The following IARS2 variants were observed in gnomAD, a reference collection of about 807,000 sequenced individuals.
The protein encoded by IARS2 is isoleucine--tRNA ligase, mitochondrial.
IARS2 carries 56 observed loss-of-function variants against 126.3 expected under a neutral mutation model. That is an observed-to-expected ratio of 0.44 (90% CI 0.36 to 0.55). IARS2 has a LOEUF of 0.55. IARS2 is among the 20% of genes least tolerant of loss of function. The probability of loss-of-function intolerance (pLI) is 0.00; values close to 1 mark genes in which losing one functional copy is unlikely to be tolerated. For synonymous variants in IARS2, 407 were observed against 441.1 expected (o/e 0.92, Z 0.97); for missense variants, 1,127 against 1,245.9 (o/e 0.90, Z 1.44).
chr1:220,110,633 G>A (rs1656780819), intron 10 of IARS2, among the ~76,000 whole-genome samples, 153 bp from the exon 11 acceptor site: 1 of 152,160 alleles, frequency 6.6e-6, no homozygotes, highest in African/African-American at 2.4e-5. Flanking sequence ...CAAAGTGCTG[G>A]GATTACAGGT....
chr1:220,102,107 CTT>C lies in IARS2; in HGVS notation c.551-16_551-15del. ...TTCGAATTCATTGGTTTTTTAAAAT[CTT>C]TTTTTCGTCTTTTTTTTAGCTAGAT... On this transcript the variant is annotated intron_variant, in intron 3 of 22. Transcript: ENST00000366922. 1 of 1,587,786 alleles carries C rather than the reference CTT, an allele frequency of 6.3e-7. No homozygotes were observed. The highest frequency in any genetic ancestry group is 1.4e-5 in the African/African-American group (1 of 73,198).
At chr1:220,103,394 C>A (rs1656618602) in intron 7 of IARS2, 53 bp from the exon 8 acceptor site, 6 of 1,045,784 alleles carry the variant, frequency 5.7e-6, no homozygotes, top group Admixed American at 3.8e-5. Context: ...AAAATGATAT[C>A]TGTGGCTTTT....
At chr1:220,142,560 G>A (rs1045712809) in intron 20 of IARS2, among the ~76,000 whole-genome samples, 2 of 152,098 alleles carry the variant, frequency 1.3e-5, no homozygotes, top group African/African-American at 4.8e-5. Flanking sequence ...CTTTTAGTGA[G>A]TTTTATGTTA....
intron 12 of IARS2, among the ~76,000 whole-genome samples, chr1:220,121,580 G>C (rs1417846444): frequency 6.6e-6 from 1 of 151,994 alleles, no homozygotes; most frequent in Non-Finnish European, 1.5e-5. Flanking sequence ...TGAATTTTCT[G>C]ATATTTAGGA....
chr1:220,106,189 G>T lies in IARS2; in HGVS notation c.1236+129G>T. On this transcript the variant is annotated intron_variant, in intron 9 of 22. Transcript: ENST00000366922. ...ATAATTGTGAAATGCTCAGGTTTGT[G>T]TAGTACTCTAAAGTTTCATTAATTC... The T allele has an allele frequency of 4.3e-6, 3 of 699,754 alleles. No homozygotes were observed. In the South Asian group the frequency reaches 7.9e-5, roughly 18 times the overall value. The allele number at this position is 699,754 out of a possible 1,614,324, so 43.3% of individuals were successfully genotyped here. A position where few individuals can be genotyped will look rare whatever the true frequency, so the allele number is the denominator to read the frequency against.
At chr1:220,116,984 G>C (rs1166449969) in intron 12 of IARS2, among the ~76,000 whole-genome samples, 4 of 151,778 alleles carry the variant, frequency 2.6e-5, no homozygotes, top group Admixed American at 2.6e-4. Flanking sequence ...GGCCACAAAG[G>C]ATCCATCCAC....
At chr1:220,145,394 A>G in intron 21 of IARS2, 115 bp from the exon 22 acceptor site, 7 of 838,174 alleles carry the variant, frequency 8.4e-6, no homozygotes, top group South Asian at 6.5e-5. Context: ...TCAGGATGCA[A>G]TGGTATACCA....
chr1:220,140,207 G>T lies in IARS2; in HGVS notation c.2332G>T (p.Asp778Tyr). The change falls in exon 19 of 23, where the codon GAT becomes TAT. Residue 778 changes from aspartate (D) to tyrosine (Y), a missense_variant. Transcript: ENST00000366922. ...NKITELYKQY[D>Y]FGKVVRLLRT... ...GATTACCGAATTATACAAACAATAT[G>T]ATTTTGGAAAAGTTGTTCGGCTGTT... 6.2e-7 allele frequency: 1 copy of T among 1,611,856 alleles called. No homozygotes were observed. The highest frequency in any genetic ancestry group is 1.3e-5 in the African/African-American group (1 of 74,994).
rs1656547058 is a variant in IARS2 at position 220,100,420 on chromosome 1, C to G, written c.391-70C>G. ...GTATGAATGCTAATTATCATTTTATCTTTGCAGATTTTGAAATACATGGCC... is the reference window on the plus strand; with the variant it reads ...GTATGAATGCTAATTATCATTTTATGTTTGCAGATTTTGAAATACATGGCC... On this transcript the variant is annotated intron_variant, in intron 2 of 22. Coordinates refer to ENST00000366922, the MANE Select transcript of IARS2 (RefSeq NM_018060.4). The G allele has an allele frequency of 8.8e-6, 11 of 1,244,798 alleles. No individual in the cohort carries two copies. The South Asian group carries it at 1.8e-4, about 21-fold the overall frequency. 77.1% of individuals were successfully genotyped at this position (1,244,798 alleles called of 1,614,324 possible). A position where few individuals can be genotyped will look rare whatever the true frequency, so the allele number is the denominator to read the frequency against.
rs532801954 is a variant in IARS2, at chr1:220,112,351, G to A, written c.1479+1414G>A. Among the ~76,000 whole-genome samples, 6 of 64,544 alleles carry A rather than the reference G, an allele frequency of 9.3e-5. 1 individual carries two copies. The East Asian group carries it at 2.7e-3, about 29-fold the overall frequency. The allele number at this position is 64,544 out of a possible 152,430, so 42.3% of individuals were successfully genotyped here. On this transcript the variant is annotated intron_variant, in intron 11 of 22. Coordinates refer to ENST00000366922, the MANE Select transcript of IARS2 (RefSeq NM_018060.4). The stretch of plus-strand genomic sequence containing the variant: ...GGGTTTCACCTTGTTAGCCAGGATG[G>A]TCTCGATCTCCTGACCTCATGATCC...
At chr1:220,102,843 T>C in intron 7 of IARS2, 66 bp downstream of exon 7, 1 of 875,544 alleles carries the variant, frequency 1.1e-6, no homozygotes, top group Non-Finnish European at 1.9e-6. Flanking sequence ...TAACATTATT[T>C]TGAATTTATT....
chr1:220,110,512 C>T (rs1363433809), intron 10 of IARS2, among the ~76,000 whole-genome samples: 1 of 152,154 alleles, frequency 6.6e-6, no homozygotes, highest in Admixed American at 6.5e-5. Flanking sequence ...ATTATGGGCA[C>T]ACACCACCAT....
Position 220,120,682 on chromosome 1 carries a change from A to AATTT in IARS2, c.1641-4551_1641-4548dup, listed in dbSNP as rs1657024497. Among the ~76,000 whole-genome samples, 5 of 152,080 alleles carry AATTT rather than the reference A, an allele frequency of 3.3e-5. No individual in the cohort carries two copies. In the South Asian group the frequency reaches 1.0e-3, roughly 31 times the overall value. On this transcript the variant is annotated intron_variant, in intron 12 of 22. Coordinates refer to ENST00000366922, the MANE Select transcript of IARS2 (RefSeq NM_018060.4). ...TGAGCCACCGTGCCCGCCCAAAATT[A>AATTT]ATTTATTCAATTGACAAAAATTGCT...
intron 16 of IARS2, among the ~76,000 whole-genome samples, 168 bp downstream of exon 16, chr1:220,137,079 A>C (rs150618252): frequency 1.3e-5 from 2 of 152,352 alleles, no homozygotes; most frequent in East Asian, 3.9e-4. Flanking sequence ...TGGTCCTTTT[A>C]ACTTATTTCA....
At chr1:220,123,555 G>C (rs1571856151) in intron 12 of IARS2, among the ~76,000 whole-genome samples, 1 of 152,086 alleles carries the variant, frequency 6.6e-6, no homozygotes, top group Admixed American at 6.6e-5. Flanking sequence ...CTCACTGCAA[G>C]CTCTGCCTCC....
intron 14 of IARS2, among the ~76,000 whole-genome samples, chr1:220,130,496 C>A (rs1657235969): frequency 6.6e-6 from 1 of 152,050 alleles, no homozygotes; most frequent in Non-Finnish European, 1.5e-5. Flanking sequence ...TAGTTGGGGG[C>A]CTTAGATTTA....
rs747783207 is a variant in IARS2 at position 220,141,955 on chromosome 1, A to C, written c.2560+7A>C. 1.9e-6 allele frequency: 3 copies of C among 1,609,602 alleles called. No individual in the cohort carries two copies. The Admixed American group carries it at 5.1e-5, about 27-fold the overall frequency. ...CACATACCTTATATTAAAGGTAAGG[A>C]ATACTTCATTTATTCTCTTAATGAG... On this transcript the variant is annotated splice_region_variant and intron_variant, in intron 20 of 22. Coordinates refer to ENST00000366922, the MANE Select transcript of IARS2 (RefSeq NM_018060.4).
chr1:220,100,683 T>G (rs372332562), intron 3 of IARS2, 34 bp downstream of exon 3: 2 of 1,524,586 alleles, frequency 1.3e-6, no homozygotes, highest in Admixed American at 1.8e-5. Context: ...TAAAATGATA[T>G]TTGTAAACAC....
chr1:220,137,692 A>C, intron 16 of IARS2: 1 of 481,260 alleles, frequency 2.1e-6, no homozygotes, highest in Non-Finnish European at 3.7e-6. Flanking sequence ...AGGTATGAGC[A>C]TTTGTGCATT....
Sources: allele counts gnomAD v4.1 joint callset (sites outside exome capture counted in the v4.1 genomes callset), GRCh38; gene constraint gnomAD v4.1.1; transcripts MANE v1.5; gene names NCBI Gene and HGNC (gene_info 2026-07-23, HGNC 2026-07-21).